Variants in CNNM1 observed in about 807,000 individuals in gnomAD.
CNNM1 encodes the protein cyclin and CBS domain divalent metal cation transport mediator 1, also known as metal transporter CNNM1.
Under a neutral mutation model 78.8 loss-of-function variants are expected in CNNM1, and 44 were observed. The observed-to-expected ratio is 0.56, with a 90% CI of 0.44 to 0.72. The LOEUF is 0.72. Among genes scored for constraint, CNNM1 ranks in the 30% least tolerant of loss-of-function variants. CNNM1 has a pLI of 0.00. For missense variants in CNNM1, 1,101 were observed against 1,292.2 expected (o/e 0.85, Z 2.27); for synonymous variants, 584 against 581.5 (o/e 1.00, Z -0.06).
intron 7 of CNNM1, among the ~76,000 whole-genome samples, chr10:99,377,960 CTTTTT>C (rs66722952): frequency 1.1e-5 from 1 of 89,644 alleles, no homozygotes. Context: ...TCCATAGGTT[CTTTTT>C]TTTTTTTTTT....
At chr10:99,360,808 T>G (rs1217233431) in intron 2 of CNNM1, 27 bp from the exon 3 acceptor site, 1 of 1,570,958 alleles carries the variant, frequency 6.4e-7, no homozygotes, top group East Asian at 2.3e-5. Context: ...CTGAGATAGC[T>G]GTAATCTGTC....
rs960248629 is a variant in CNNM1 at position 99,383,834 on chromosome 10, C to G, written c.2341-3986C>G. Among the ~76,000 whole-genome samples the G allele has an allele frequency of 5.1e-4, 77 of 152,158 alleles. 5 individuals are homozygous for G. The highest frequency in any genetic ancestry group is 1.5e-5 in the Non-Finnish European group (1 of 68,032). On this transcript the variant is annotated intron_variant, in intron 7 of 10. Transcript: ENST00000356713. Reference sequence around the variant, plus strand: ...TTTAGGCCGTCCACTAAACCTTCACCATCCAGTACAGCAGCCAGTAGCCAT... The same window carrying G: ...TTTAGGCCGTCCACTAAACCTTCACGATCCAGTACAGCAGCCAGTAGCCAT...
Position 99,329,466 on chromosome 10 carries a change from C to A in CNNM1, c.79C>A (p.Leu27Ile). The A allele has an allele frequency of 7.0e-7, 1 of 1,435,336 alleles. No homozygotes were observed. Among genetic ancestry groups the A allele is most frequent in the Non-Finnish European group, 9.4e-7 (1 of 1,067,640 alleles). 88.9% of individuals were successfully genotyped at this position (1,435,336 alleles called of 1,614,324 possible). ...DCCSRGAVLL[L>I]FFSLSPRPPA... ...CTGCAGCCGAGGCGCTGTGCTCCTG[C>A]TCTTCTTTTCCCTGTCTCCTCGGCC... The change falls in exon 1 of 11, where the codon CTC (leucine) becomes ATC (isoleucine). Residue 27 changes from leucine (L) to isoleucine (I), a missense_variant. Transcript: ENST00000356713.
chr10:99,365,219 T>G (rs1006528674), intron 6 of CNNM1: 2 of 644,860 alleles, frequency 3.1e-6, no homozygotes, highest in African/African-American at 3.6e-5. Flanking sequence ...CTGCTGCTTC[T>G]CTGCTCACAT....
intron 2 of CNNM1, among the ~76,000 whole-genome samples, chr10:99,358,337 C>T (rs1281568587): frequency 2.0e-5 from 3 of 152,192 alleles, no homozygotes; most frequent in African/African-American, 7.2e-5. Flanking sequence ...CTTATCAAAG[C>T]TTTGCTTGCA....
At chr10:99,364,638 C>T in intron 5 of CNNM1, 122 bp downstream of exon 5, 1 of 795,456 alleles carries the variant, frequency 1.3e-6, no homozygotes, top group South Asian at 1.9e-5. Flanking sequence ...CATTTAACTT[C>T]CTTGGCTTTA....
At position 99,329,988 on chromosome 10, in the gene CNNM1, G is replaced by A. The variant is rs1170354787; in HGVS notation, c.601G>A (p.Gly201Ser). ...CGCGTGGCACCACCACGGCGCCGCC[G>A]GCGGCTTCCTGCTGCGCGTTCGCCC... ...GRAWHHHGAA[G>S]GFLLRVRPRL... Residue 201 changes from glycine to serine, a missense_variant, in exon 1 of 11, where the codon GGC becomes AGC. By Grantham distance (56) the Gly-to-Ser change is moderately conservative. Around this residue, in one of 3 missense-constraint regions of CNNM1, gnomAD observed 476 missense variants for 484.5 expected, o/e 0.98. Coordinates refer to ENST00000356713, the MANE Select transcript of CNNM1 (RefSeq NM_020348.3). 1.4e-6 allele frequency: 2 copies of A among 1,392,072 alleles called. No homozygotes were observed. The highest frequency in any genetic ancestry group is 1.5e-5 in the African/African-American group (1 of 65,478). The allele number at this position is 1,392,072 out of a possible 1,614,324, so 86.2% of individuals were successfully genotyped here.
intron 1 of CNNM1, among the ~76,000 whole-genome samples, chr10:99,347,477 A>G (rs2030744493): frequency 6.6e-6 from 1 of 151,554 alleles, no homozygotes; most frequent in Non-Finnish European, 1.5e-5. Flanking sequence ...CCAAGATCAC[A>G]CCACTGCACT....
intron 6 of CNNM1, among the ~76,000 whole-genome samples, chr10:99,375,854 G>A (rs1219926439): frequency 6.6e-6 from 1 of 152,206 alleles, no homozygotes; most frequent in African/African-American, 2.4e-5. Context: ...GATTGGGGGA[G>A]CTTTGCAGTC....
At chr10:99,368,691 A>T (rs1240002865) in intron 6 of CNNM1, 1 of 1,288,834 alleles carries the variant, frequency 7.8e-7, no homozygotes, top group East Asian at 5.6e-5. Flanking sequence ...GTAAACATGC[A>T]TGGGTGTCTC....
At position 99,391,620 on chromosome 10, in the gene CNNM1, A is replaced by C; in HGVS notation, c.*104A>C. ...CCCCAAGGCCTCCCACAGGTGACAG[A>C]ATGTTCTGCCTTCCCTTCCATCTCT... On this transcript the variant is annotated 3_prime_UTR_variant, in exon 11 of 11. Transcript: ENST00000356713. 1 of 936,768 alleles carries C rather than the reference A, an allele frequency of 1.1e-6. No individual in the cohort carries two copies. Among genetic ancestry groups the C allele is most frequent in the Non-Finnish European group, 1.6e-6 (1 of 607,348 alleles). The allele number at this position is 936,768 out of a possible 1,614,324, so 58.0% of individuals were successfully genotyped here. A position where few individuals can be genotyped will look rare whatever the true frequency, so the allele number is the denominator to read the frequency against.
At chr10:99,362,904 T>C (rs1457864677) in intron 4 of CNNM1, among the ~76,000 whole-genome samples, 2 of 152,152 alleles carry the variant, frequency 1.3e-5, no homozygotes, top group Non-Finnish European at 2.9e-5. Flanking sequence ...GCCTTTGCAG[T>C]TCCTGAAATC....
At chr10:99,356,592 GAAAGAAAGAA>G (rs1294062337) in intron 1 of CNNM1, among the ~76,000 whole-genome samples, 1 of 124,220 alleles carries the variant, frequency 8.1e-6, no homozygotes, top group Non-Finnish European at 1.7e-5. Context: ...AAGAAAGAAA[GAAAGAAAGAA>G]AGAAAAGAAA....
intron 1 of CNNM1, among the ~76,000 whole-genome samples, chr10:99,333,487 G>A (rs1157690595): frequency 1.3e-5 from 2 of 152,164 alleles, no homozygotes; most frequent in Non-Finnish European, 2.9e-5. Context: ...TGTGATTACA[G>A]GAGTGCACCA....
rs1368597633 is a variant in CNNM1, at chr10:99,329,720, GC to G, written c.338del (p.Pro113ArgfsTer121). ...WAPRLVFIEEPPGGGGVAPSA... is the reference protein window; with the variant it reads ...WAPRLVFIEEXPGGGGVAPSA... ...CTCCGCGGCTCGTGTTCATCGAGGA[GC>G]CCCCGGGCGGTGGCGGCGTGGCCCC... On this transcript the variant is annotated frameshift_variant, in exon 1 of 11. Transcript: ENST00000356713. LOFTEE classifies it high-confidence loss of function. The G allele has an allele frequency of 2.6e-6, 4 of 1,524,970 alleles. No individual in the cohort carries two copies. The highest frequency in any genetic ancestry group is 2.6e-5 in the East Asian group (1 of 38,046). The allele number at this position is 1,524,970 out of a possible 1,614,324, so 94.5% of individuals were successfully genotyped here. A position where few individuals can be genotyped will look rare whatever the true frequency, so the allele number is the denominator to read the frequency against.
chr10:99,379,721 C>T (rs201072566), intron 7 of CNNM1, among the ~76,000 whole-genome samples: 2 of 150,542 alleles, frequency 1.3e-5, no homozygotes, highest in Non-Finnish European at 2.9e-5. Context: ...TCCAGCGATC[C>T]TCCCACCTCA....
intron 1 of CNNM1, among the ~76,000 whole-genome samples, chr10:99,342,958 TTTTC>T (rs1554937753): frequency 1.3e-5 from 2 of 152,092 alleles, no homozygotes; most frequent in East Asian, 1.9e-4. Flanking sequence ...CCATCTTTTT[TTTTC>T]TTTCTTTCTT....
At chr10:99,388,428 C>A in intron 9 of CNNM1, 127 bp downstream of exon 9, 1 of 1,030,672 alleles carries the variant, frequency 9.7e-7, no homozygotes, top group Non-Finnish European at 1.4e-6. Context: ...CTCCGACCTC[C>A]TTACACAGCC....
At chr10:99,374,278 C>T (rs2031899079) in intron 6 of CNNM1, among the ~76,000 whole-genome samples, 1 of 152,210 alleles carries the variant, frequency 6.6e-6, no homozygotes, top group Non-Finnish European at 1.5e-5. Context: ...AGTTCTTAGT[C>T]ACTCTGGAGA....
Sources: allele counts gnomAD v4.1 joint callset (sites outside exome capture counted in the v4.1 genomes callset), GRCh38; gene constraint gnomAD v4.1.1; regional missense constraint gnomAD v4.1.1; transcripts MANE v1.5; gene names NCBI Gene and HGNC (gene_info 2026-07-23, HGNC 2026-07-21).